SYT14: variants seen among roughly 807,000 people sequenced by gnomAD.
The protein encoded by SYT14 is synaptotagmin-14.
SYT14 carries 32 observed loss-of-function variants against 74.2 expected under a neutral mutation model. The ratio of observed to expected loss-of-function variants is 0.43; its 90% CI spans 0.33 to 0.58. The LOEUF is 0.58. Ranked by LOEUF, SYT14 falls within the 20% of genes least tolerant of loss-of-function variation. The pLI is 0.05. For missense variants in SYT14, 791 were observed against 981.8 expected (o/e 0.81, Z 2.60); for synonymous variants, 298 against 337.7 (o/e 0.88, Z 1.29).
At chr1:210,105,879 G>A (rs996924337) in intron 7 of SYT14, among the ~76,000 whole-genome samples, 2 of 152,154 alleles carry the variant, frequency 1.3e-5, no homozygotes, top group Admixed American at 6.5e-5. Context: ...CTCTCTTCAT[G>A]TGACATGCCT....
At chr1:210,076,725 A>T (rs2081507949) in intron 5 of SYT14, among the ~76,000 whole-genome samples, 1 of 152,178 alleles carries the variant, frequency 6.6e-6, no homozygotes. Context: ...TGGCTGGAGC[A>T]GGAGGAAGAG....
chr1:210,070,115 C>G (rs57082045), intron 5 of SYT14, among the ~76,000 whole-genome samples: 8,181 of 152,052 alleles, frequency 0.054, 659 homozygotes, highest in African/African-American at 0.17. Context: ...TGTTTTTATT[C>G]TTTTCATGTT....
At chr1:210,103,366 C>A (rs1490463820) in intron 7 of SYT14, among the ~76,000 whole-genome samples, 1 of 151,588 alleles carries the variant, frequency 6.6e-6, no homozygotes, top group Non-Finnish European at 1.5e-5. Flanking sequence ...CTGGCTAACA[C>A]GATGAAACCC....
chr1:209,959,977 C>T (rs767807932), intron 2 of SYT14, among the ~76,000 whole-genome samples: 27 of 152,280 alleles, frequency 1.8e-4, no homozygotes, highest in Non-Finnish European at 3.5e-4. Context: ...TAACCAGCTC[C>T]TCTTTTTATG....
At position 209,938,294 on chromosome 1, in the gene SYT14, A is replaced by C; in HGVS notation, c.-534+17A>C. 1 of 1,554,092 alleles carries C rather than the reference A, an allele frequency of 6.4e-7. No homozygotes were observed. Among genetic ancestry groups the C allele is most frequent in the Non-Finnish European group, 8.7e-7 (1 of 1,146,242 alleles). On this transcript the variant is annotated intron_variant, in intron 1 of 9. Coordinates refer to ENST00000637265, the Ensembl canonical transcript of SYT14. ...CGATTGAAGGTAAGTGGAGGCTGACAGCGGGGAGCGAGGACCGGGACCACC... is the reference window on the plus strand; with the variant it reads ...CGATTGAAGGTAAGTGGAGGCTGACCGCGGGGAGCGAGGACCGGGACCACC...
intron 2 of SYT14, among the ~76,000 whole-genome samples, chr1:209,964,231 C>T (rs775708185): frequency 1.3e-5 from 2 of 152,110 alleles, no homozygotes; most frequent in Non-Finnish European, 2.9e-5. Context: ...TCCCACCTGC[C>T]GCTGTGTAAG....
chr1:210,093,077 G>A (rs1401682379), intron 5 of SYT14, among the ~76,000 whole-genome samples: 1 of 152,066 alleles, frequency 6.6e-6, no homozygotes, highest in African/African-American at 2.4e-5. Flanking sequence ...TCTGTGGTTA[G>A]ACTATTAGAC....
At chr1:210,021,696 A>G (rs546349786) in intron 5 of SYT14, among the ~76,000 whole-genome samples, 2 of 152,354 alleles carry the variant, frequency 1.3e-5, no homozygotes, top group South Asian at 2.1e-4. Context: ...AATGTTGCAC[A>G]TGGCAGACAG....
intron 4 of SYT14, among the ~76,000 whole-genome samples, chr1:210,018,082 A>G (rs1189192425): frequency 1.3e-5 from 2 of 152,248 alleles, no homozygotes; most frequent in Non-Finnish European, 2.9e-5. Flanking sequence ...CTAACTTAAA[A>G]GAAATGTCAG....
chr1:210,047,339 G>A (rs1186037885), intron 5 of SYT14, among the ~76,000 whole-genome samples: 1 of 151,976 alleles, frequency 6.6e-6, no homozygotes, highest in South Asian at 2.1e-4. Context: ...TGTTGCTTAG[G>A]TATAGTTTTT....
intron 8 of SYT14, among the ~76,000 whole-genome samples, chr1:210,158,331 C>A (rs910607142): frequency 8.6e-5 from 13 of 151,964 alleles, no homozygotes; most frequent in Non-Finnish European, 1.5e-4. Context: ...GAGTGCACAC[C>A]CTGCCAGAAG....
chr1:209,944,713 T>A (rs1354990477), intron 1 of SYT14, among the ~76,000 whole-genome samples: 3 of 151,790 alleles, frequency 2.0e-5, no homozygotes, highest in African/African-American at 7.2e-5. Flanking sequence ...TTTGGGAGGA[T>A]AACTCCCAGA....
chr1:210,145,814 G>A (rs1459697285), intron 7 of SYT14, among the ~76,000 whole-genome samples: 1 of 152,056 alleles, frequency 6.6e-6, no homozygotes, highest in Admixed American at 6.6e-5. Context: ...ATACTATTAG[G>A]ACCAACTTCA....
chr1:209,985,031 G>T (rs1394160392), intron 2 of SYT14, among the ~76,000 whole-genome samples: 1 of 152,074 alleles, frequency 6.6e-6, no homozygotes, highest in African/African-American at 2.4e-5. Context: ...TTTGGGTGGG[G>T]ACAGATATAC....
At chr1:209,940,635 A>G (rs987246582) in intron 1 of SYT14, among the ~76,000 whole-genome samples, 1 of 152,144 alleles carries the variant, frequency 6.6e-6, no homozygotes, top group African/African-American at 2.4e-5. Flanking sequence ...TTGGCCGAAT[A>G]TCTGCCATTC....
intron 7 of SYT14, among the ~76,000 whole-genome samples, chr1:210,144,073 C>G (rs1182127556): frequency 6.6e-6 from 1 of 152,118 alleles, no homozygotes; most frequent in African/African-American, 2.4e-5. Context: ...TACTCCAAAG[C>G]ACAGGCACCT....
At chr1:210,156,178 C>G (rs567021137) in intron 8 of SYT14, among the ~76,000 whole-genome samples, 49 of 152,138 alleles carry the variant, frequency 3.2e-4, no homozygotes, top group African/African-American at 1.2e-3. Flanking sequence ...TCTTTTAATG[C>G]CAGAAAAGGT....
intron 6 of SYT14, among the ~76,000 whole-genome samples, chr1:210,096,322 C>T (rs2081965920): frequency 6.6e-6 from 1 of 152,148 alleles, no homozygotes; most frequent in Non-Finnish European, 1.5e-5. Context: ...GGCAAACTCT[C>T]TCAGAGGAGT....
exon 6 of SYT14, chr1:210,094,573 A>G (rs1167880110): frequency 6.2e-7 from 1 of 1,613,846 alleles, no homozygotes; most frequent in Non-Finnish European, 8.5e-7. Context: ...AAGTGACAGC[A>G]CTGCAGTCCT....
Sources: gnomAD v4.1 joint callset for allele counts (sites outside exome capture counted in the v4.1 genomes callset) on GRCh38, gnomAD v4.1.1 for gene constraint, MANE v1.5 for transcripts, NCBI Gene and HGNC (gene_info 2026-07-23, HGNC 2026-07-21) for gene names.